GRM7: variants seen among roughly 807,000 people sequenced by gnomAD.
GRM7 encodes metabotropic glutamate receptor 7.
A neutral mutation model predicts 84.5 loss-of-function variants in GRM7; 35 were observed. That is an observed-to-expected ratio of 0.41 (90% CI 0.32 to 0.55). The LOEUF is 0.55. Ranked by LOEUF, GRM7 falls within the 20% of genes least tolerant of loss-of-function variation. The pLI, the probability that GRM7 is intolerant of heterozygous loss-of-function variation, is 0.19. For synonymous variants in GRM7, 487 were observed against 455.1 expected, an observed-to-expected ratio of 1.07 and a Z score of -0.89; for missense variants, 1,003 against 1,194.6, an observed-to-expected ratio of 0.84 and a Z score of 2.36.
At chr3:7,608,553 G>A (rs566394571) in intron 8 of GRM7, among the ~76,000 whole-genome samples, 2 of 152,086 alleles carry the variant, frequency 1.3e-5, no homozygotes, top group African/African-American at 4.8e-5. Context: ...CATGTCCTTT[G>A]TCCACTTTAT....
chr3:7,605,348 T>G (rs1366139949), intron 8 of GRM7, among the ~76,000 whole-genome samples: 1 of 152,088 alleles, frequency 6.6e-6, no homozygotes, highest in East Asian at 1.9e-4. Flanking sequence ...GACAAGGAAA[T>G]GTAGTTGTTT....
chr3:7,369,577 A>G (rs1258328959), intron 4 of GRM7, among the ~76,000 whole-genome samples: 1 of 152,262 alleles, frequency 6.6e-6, no homozygotes, highest in East Asian at 1.9e-4. Context: ...TTATGAAAGA[A>G]GGGGAATGGA....
chr3:7,189,674 T>C (rs1339242358), intron 2 of GRM7, among the ~76,000 whole-genome samples: 1 of 152,126 alleles, frequency 6.6e-6, no homozygotes, highest in Non-Finnish European at 1.5e-5. Context: ...CCAGGGAAGA[T>C]AGGAGGAGCT....
chr3:7,003,345 T>C lies in GRM7; in HGVS notation c.519+141438T>C, dbSNP rs770925358. On this transcript the variant is annotated intron_variant, in intron 1 of 9. Transcript: ENST00000357716. ...TGTATGCATATATCAAAACATCACA[T>C]TGTGCCCCATAAATATATGCAATTA... Among the ~76,000 whole-genome samples the C allele has an allele frequency of 2.6e-4, 40 of 152,166 alleles. 1 individual carries two copies. Among genetic ancestry groups the C allele is most frequent in the Non-Finnish European group, 5.0e-4 (34 of 68,032 alleles).
At chr3:7,040,366 G>A (rs750361659) in intron 1 of GRM7, among the ~76,000 whole-genome samples, 1 of 151,796 alleles carries the variant, frequency 6.6e-6, no homozygotes, top group African/African-American at 2.4e-5. Flanking sequence ...GCAGTGGCAC[G>A]ATCTCCACTC....
At chr3:7,659,500 T>C (rs3864073) in intron 8 of GRM7, among the ~76,000 whole-genome samples, 71,130 of 151,970 alleles carry the variant, frequency 0.47, 17,496 homozygotes, top group Non-Finnish European at 0.55. Flanking sequence ...GCCTGACACA[T>C]AGTAGAATCT....
chr3:7,655,603 T>C (rs1177949460), intron 8 of GRM7, among the ~76,000 whole-genome samples: 1 of 152,156 alleles, frequency 6.6e-6, no homozygotes, highest in African/African-American at 2.4e-5. Flanking sequence ...GCCTTGGAGG[T>C]ATCTTTGCAA....
At chr3:7,656,450 C>A (rs893520161) in intron 8 of GRM7, among the ~76,000 whole-genome samples, 2 of 151,576 alleles carry the variant, frequency 1.3e-5, no homozygotes, top group African/African-American at 4.9e-5. Context: ...GAGCTGAGAT[C>A]ATGCCACTGT....
intron 9 of GRM7, among the ~76,000 whole-genome samples, chr3:7,719,101 G>A (rs1701855317): frequency 6.6e-6 from 1 of 152,176 alleles, no homozygotes; most frequent in Admixed American, 6.5e-5. Flanking sequence ...CAGACCCAAG[G>A]GTATGGTGAC....
intron 7 of GRM7, among the ~76,000 whole-genome samples, chr3:7,553,073 G>A (rs889188584): frequency 6.6e-6 from 1 of 152,142 alleles, no homozygotes; most frequent in Non-Finnish European, 1.5e-5. Flanking sequence ...CCCAAGTCAC[G>A]TCTTGAATGC....
intron 9 of GRM7, among the ~76,000 whole-genome samples, chr3:7,718,259 G>A (rs769909109): frequency 2.0e-4 from 31 of 152,152 alleles, no homozygotes; most frequent in Non-Finnish European, 3.4e-4. Flanking sequence ...TTAAGCAAAC[G>A]CTCTTTCATC....
At chr3:7,582,575 T>TA (rs1559419129) in intron 8 of GRM7, among the ~76,000 whole-genome samples, 1 of 152,036 alleles carries the variant, frequency 6.6e-6, no homozygotes, top group Non-Finnish European at 1.5e-5. Flanking sequence ...AGAAAATTGC[T>TA]AAAAAGGAAA....
chr3:7,706,225 T>G lies in GRM7; in HGVS notation c.2698+25930T>G, dbSNP rs1349071398. Among the ~76,000 whole-genome samples, 6 of 152,216 alleles carry G rather than the reference T, an allele frequency of 3.9e-5. 1 individual carries two copies. Among genetic ancestry groups the G allele is most frequent in the Admixed American group, 1.3e-4 (2 of 15,282 alleles). ...GCCATATTGCCCAAATTCACTTGAT[T>G]GTATTTTTGATCACTTATCCATACT... On this transcript the variant is annotated intron_variant, in intron 9 of 9. Coordinates refer to ENST00000357716, the MANE Select transcript of GRM7 (RefSeq NM_000844.4).
intron 8 of GRM7, among the ~76,000 whole-genome samples, chr3:7,611,744 A>T (rs1325082191): frequency 1.3e-5 from 2 of 152,170 alleles, no homozygotes; most frequent in African/African-American, 4.8e-5. Flanking sequence ...CAGACCTACC[A>T]GATCAGAATC....
intron 2 of GRM7, among the ~76,000 whole-genome samples, chr3:7,232,110 G>A (rs960065865): frequency 1.3e-5 from 2 of 152,136 alleles, no homozygotes; most frequent in African/African-American, 2.4e-5. Context: ...TGATGCATTA[G>A]TAGCAGTTTT....
At chr3:6,885,499 G>T in intron 1 of GRM7, among the ~76,000 whole-genome samples, 1 of 152,240 alleles carries the variant, frequency 6.6e-6, no homozygotes, top group Middle Eastern at 3.4e-3. Context: ...TGTCTTATGC[G>T]GAGGTGTTTC....
At chr3:7,670,913 G>A (rs895616404) in intron 8 of GRM7, among the ~76,000 whole-genome samples, 3 of 152,172 alleles carry the variant, frequency 2.0e-5, no homozygotes, top group African/African-American at 7.2e-5. Context: ...CATGGATTCT[G>A]GCAGGAGTCG....
chr3:7,413,321 T>A (rs17047279), intron 4 of GRM7, among the ~76,000 whole-genome samples: 2 of 152,144 alleles, frequency 1.3e-5, no homozygotes, highest in Admixed American at 6.6e-5. Context: ...CAACAAGATC[T>A]CTCTTAAAAA....
intron 4 of GRM7, among the ~76,000 whole-genome samples, chr3:7,399,861 C>T (rs1695374468): frequency 6.6e-6 from 1 of 152,144 alleles, no homozygotes; most frequent in Non-Finnish European, 1.5e-5. Flanking sequence ...ATGCTGTGAG[C>T]CGTGCTTTTT....
Sources: allele counts gnomAD v4.1 joint callset (sites outside exome capture counted in the v4.1 genomes callset), GRCh38; gene constraint gnomAD v4.1.1; transcripts MANE v1.5; gene names NCBI Gene and HGNC (gene_info 2026-07-23, HGNC 2026-07-21).